Variants in NOP9 observed in about 807,000 individuals in gnomAD.
NOP9 encodes the protein NOP9 nucleolar protein.
NOP9 carries 50 observed loss-of-function variants against 63.0 expected under a neutral mutation model. The observed-to-expected ratio is 0.79, with a 90% CI of 0.63 to 1.00. The LOEUF is 1.00. NOP9 is among the 50% of genes least tolerant of loss of function. The probability of loss-of-function intolerance (pLI) is 0.00; values close to 1 mark genes in which losing one functional copy is unlikely to be tolerated. For synonymous variants in NOP9, 343 were observed against 332.8 expected, an observed-to-expected ratio of 1.03 and a Z score of -0.33; for missense variants, 758 against 803.0, an observed-to-expected ratio of 0.94 and a Z score of 0.68.
At chr14:24,299,339 G>GGA, upstream of NOP9, 1 of 519,226 alleles carries the variant, frequency 1.9e-6, no homozygotes, top group South Asian at 2.4e-5. Flanking sequence ...AGTGAAGAAG[G>GGA]GGCTGAGTGG....
Position 24,301,619 on chromosome 14 carries a change from G to A in NOP9, c.705G>A (p.Gln235=), listed in dbSNP as rs963924036. The stretch of plus-strand genomic sequence containing the variant: ...TTCTTAATCTTCCTTCAGAAGCACA[G>A]AAGACCCCAGCTCAGGAATGTAAGC... The part of the protein sequence containing the change: ...RPRGSQSSEA[Q]KTPAQECKPA... The change falls in exon 3 of 10, where the codon CAG becomes CAA. Residue 235 remains glutamine (Q), a synonymous_variant. Transcript: ENST00000267425. 1.9e-6 allele frequency: 3 copies of A among 1,614,158 alleles called. No homozygotes were observed. In the Admixed American group the frequency reaches 5.0e-5, roughly 27 times the overall value.
At position 24,306,480 on chromosome 14, in the gene NOP9, A is replaced by G; in HGVS notation, c.*1385A>G. On this transcript the variant is annotated 3_prime_UTR_variant, in exon 10 of 10. Coordinates refer to ENST00000267425, the MANE Select transcript of NOP9 (RefSeq NM_174913.3). ...GTCCACTGCAGTTCCATCCTCCTCTAGCACCAGGGTTAGCACTCCATTCAG... is the reference window on the plus strand; with the variant it reads ...GTCCACTGCAGTTCCATCCTCCTCTGGCACCAGGGTTAGCACTCCATTCAG... The G allele has an allele frequency of 6.2e-7, 1 of 1,614,220 alleles. No homozygotes were observed. Among genetic ancestry groups the G allele is most frequent in the African/African-American group, 1.3e-5 (1 of 75,054 alleles).
At chr14:24,291,509 C>T in the NOP9 span, 15 of 1,586,706 alleles carry the variant, frequency 9.5e-6, no homozygotes, top group Non-Finnish European at 1.2e-5. Context: ...TACCGCACTA[C>T]ACATCCTCCA....
chr14:24,301,591 A>G lies in NOP9; in HGVS notation c.698-21A>G, dbSNP rs778876088. The G allele has an allele frequency of 2.5e-6, 4 of 1,613,808 alleles. No individual in the cohort carries two copies. In the African/African-American group the frequency reaches 4.0e-5, roughly 16 times the overall value. On this transcript the variant is annotated intron_variant, in intron 2 of 9. Coordinates refer to ENST00000267425, the MANE Select transcript of NOP9 (RefSeq NM_174913.3). The stretch of plus-strand genomic sequence containing the variant: ...GCAGTTTGTGATCTCCCCACTGCAC[A>G]TGTTCTTAATCTTCCTTCAGAAGCA...
upstream of NOP9, among the ~76,000 whole-genome samples, chr14:24,297,451 T>A (rs550170142): frequency 2.0e-5 from 3 of 152,334 alleles, no homozygotes; most frequent in South Asian, 4.1e-4. Flanking sequence ...GAGTCCTTTA[T>A]CTAAGAACAA....
the NOP9 span, among the ~76,000 whole-genome samples, chr14:24,285,770 C>T: frequency 1.3e-5 from 2 of 152,142 alleles, no homozygotes; most frequent in Non-Finnish European, 2.9e-5. Context: ...AGGCAGATTG[C>T]CTGAGCTCAG....
At chr14:24,292,378 T>C in the NOP9 span, 5 of 1,608,922 alleles carry the variant, frequency 3.1e-6, no homozygotes, top group African/African-American at 5.3e-5. Context: ...CCATGTCACT[T>C]TCCTGCCCTG....
chr14:24,304,803 T>C, intron 9 of NOP9, 135 bp from the exon 10 acceptor site: 1 of 1,106,860 alleles, frequency 9.0e-7, no homozygotes, highest in Non-Finnish European at 1.3e-6. Flanking sequence ...CTCTGACTTC[T>C]GTTCTTTGGA....
the NOP9 span, chr14:24,271,248 C>T: frequency 3.2e-6 from 4 of 1,231,684 alleles, no homozygotes; most frequent in South Asian, 1.7e-5. Flanking sequence ...AGCAAGCGTG[C>T]CTGGGCAGAG....
At chr14:24,303,247 C>T (rs1594621053) in intron 6 of NOP9, 33 bp downstream of exon 6, 19 of 1,613,312 alleles carry the variant, frequency 1.2e-5, no homozygotes, top group Non-Finnish European at 1.4e-5. Context: ...CTGTTTATGC[C>T]CTCAGTTCAA....
At chr14:24,296,635 G>T (rs777276413), upstream of NOP9, 1 of 1,613,664 alleles carries the variant, frequency 6.2e-7, no homozygotes, top group South Asian at 1.1e-5. Context: ...GTAGGGAGGT[G>T]TGAGGGGCTG....
upstream of NOP9, chr14:24,299,071 C>T: frequency 1.9e-6 from 3 of 1,613,974 alleles, no homozygotes; most frequent in Non-Finnish European, 2.5e-6. Flanking sequence ...AGGCACCAGT[C>T]ACCACACACA....
At position 24,304,254 on chromosome 14, in the gene NOP9, C is replaced by T. The variant is rs762627775; in HGVS notation, c.1624C>T (p.Arg542Cys). 6.8e-6 allele frequency: 11 copies of T among 1,613,950 alleles called. No individual in the cohort carries two copies. The highest frequency in any genetic ancestry group is 3.3e-5 in the South Asian group (3 of 91,090). ...TSPSVTRKLR[R>C]RVLQNLKGQY... ...CCCCTCTGTGACGCGCAAGCTGCGC[C>T]GCCGTGTGCTGCAGAACCTAAAGGT... The change falls in exon 8 of 10, where the codon CGC becomes TGC. Residue 542 changes from arginine to cysteine, a missense_variant. Coordinates refer to ENST00000267425, the MANE Select transcript of NOP9 (RefSeq NM_174913.3).
chr14:24,301,437 C>T (rs547987452), intron 2 of NOP9, 175 bp from the exon 3 acceptor site: 1 of 337,532 alleles, frequency 3.0e-6, no homozygotes, highest in South Asian at 1.2e-4. Flanking sequence ...GTTGAAGTTT[C>T]TTAGAAAAAT....
Position 24,305,953 on chromosome 14 carries a change from A to G in NOP9, c.*858A>G, listed in dbSNP as rs1226092941. 8.1e-6 allele frequency: 13 copies of G among 1,613,300 alleles called. No individual in the cohort carries two copies. The highest frequency in any genetic ancestry group is 1.3e-5 in the African/African-American group (1 of 74,890). On this transcript the variant is annotated 3_prime_UTR_variant, in exon 10 of 10. Transcript: ENST00000267425. ...TGACATGTTGATTTCTGACCTGAGT[A>G]CTTTCTTTGGGCCAAGTCCTTGAAA...
the NOP9 span, among the ~76,000 whole-genome samples, chr14:24,278,354 C>T: frequency 9.8e-5 from 15 of 152,308 alleles, no homozygotes; most frequent in East Asian, 3.9e-4. Flanking sequence ...ATGGTTGTAA[C>T]GGATAGGACA....
rs1047494985 is a variant in NOP9, at chr14:24,308,975, C to T, written c.*3880C>T. On this transcript the variant is annotated 3_prime_UTR_variant, in exon 10 of 10. Coordinates refer to ENST00000267425, the MANE Select transcript of NOP9 (RefSeq NM_174913.3). ...GAAAAAAACTGGCCCTGGCCCTGAA[C>T]CAAATACCTTGAACCCTCGTAAACT... 1 of 152,242 alleles carries T rather than the reference C, an allele frequency of 6.6e-6. No individual in the cohort carries two copies. The allele number at this position is 152,242 out of a possible 1,614,324, so 9.4% of individuals were successfully genotyped here.
chr14:24,305,755 G>A lies in NOP9; in HGVS notation c.*660G>A, dbSNP rs186107928. 1,297 of 1,613,424 alleles carry A rather than the reference G, an allele frequency of 8.0e-4. 13 individuals carry two copies. The highest frequency in any genetic ancestry group is 3.1e-4 in the South Asian group (28 of 90,928). ...CCTTGCAGCAGTGTGGAGGTCCAAC[G>A]AAGGAGCTCCCTGAATGGCAGAGAC... On this transcript the variant is annotated 3_prime_UTR_variant, in exon 10 of 10. Coordinates refer to ENST00000267425, the MANE Select transcript of NOP9 (RefSeq NM_174913.3).
chr14:24,291,336 C>A, the NOP9 span: 1 of 1,199,528 alleles, frequency 8.3e-7, no homozygotes, highest in Non-Finnish European at 1.2e-6. Flanking sequence ...CCCTGGAGAG[C>A]TCTTTCTCTT....
Sources: allele counts gnomAD v4.1 joint callset (sites outside exome capture counted in the v4.1 genomes callset), GRCh38; gene constraint gnomAD v4.1.1; transcripts MANE v1.5; gene names NCBI Gene and HGNC (gene_info 2026-07-23, HGNC 2026-07-21).